BCR: variants seen among roughly 807,000 people sequenced by gnomAD.
BCR encodes the protein breakpoint cluster region protein.
Under a neutral mutation model 138.6 loss-of-function variants are expected in BCR, and 58 were observed. The ratio of observed to expected loss-of-function variants is 0.42; its 90% CI spans 0.34 to 0.52. The LOEUF is 0.52. BCR is among the 20% of genes least tolerant of loss of function. The pLI is 0.06. For synonymous variants in BCR, 786 were observed against 730.1 expected (o/e 1.08, Z -1.23); for missense variants, 1,599 against 1,727.2 (o/e 0.93, Z 1.32).
chr22:23,201,957 T>G (rs2072558119), intron 1 of BCR, among the ~76,000 whole-genome samples: 1 of 152,180 alleles, frequency 6.6e-6, no homozygotes. Flanking sequence ...TTTGAGATAA[T>G]TATGTGTAAA....
rs910776376 is a variant in BCR, at chr22:23,191,362, A to T, written c.1279+9123A>T. On this transcript the variant is annotated intron_variant, in intron 1 of 22. Transcript: ENST00000305877. ...GCTCAAAGGTATTTATTGAGCATCT[A>T]CTTTGTGCCTGGCACTATCTTCATG... 3.2e-4 allele frequency among the ~76,000 whole-genome samples: 49 copies of T among 152,192 alleles called. 1 individual carries two copies. Among genetic ancestry groups the T allele is most frequent in the Admixed American group, 2.9e-3 (45 of 15,274 alleles).
intron 4 of BCR, among the ~76,000 whole-genome samples, chr22:23,267,237 A>G (rs1486908672): frequency 6.6e-6 from 1 of 152,064 alleles, no homozygotes; most frequent in Non-Finnish European, 1.5e-5. Context: ...GGAGGAGGGA[A>G]AGAAGGAAGA....
At position 23,314,532 on chromosome 22, in the gene BCR, G is replaced by T. The variant is rs753370246; in HGVS notation, c.3564-20G>T. On this transcript the variant is annotated intron_variant, in intron 21 of 22. Coordinates refer to ENST00000305877, the MANE Select transcript of BCR (RefSeq NM_004327.4). ...TGGGGGTGGCGTTGAAACAGCACCC[G>T]CTGCTTTGGTCCTCTACAGGGTGGC... is the stretch of plus-strand genomic sequence containing the variant. The T allele has an allele frequency of 3.1e-6, 5 of 1,611,586 alleles. No homozygotes were observed. In the East Asian group the frequency reaches 6.7e-5, roughly 22 times the overall value.
intron 1 of BCR, among the ~76,000 whole-genome samples, chr22:23,242,004 A>C (rs750258425): frequency 6.6e-6 from 1 of 152,092 alleles, no homozygotes; most frequent in Non-Finnish European, 1.5e-5. Context: ...GACCACTTCC[A>C]GCCCCCCTTA....
chr22:23,279,802 C>G (rs190523471), intron 8 of BCR, among the ~76,000 whole-genome samples: 20 of 152,296 alleles, frequency 1.3e-4, no homozygotes, highest in Admixed American at 1.2e-3. Flanking sequence ...TGGAGCATGT[C>G]GTAGTCGGTT....
In BCR at chr22:23,309,447, C is replaced by T. The variant is rs771329432; in HGVS notation, c.3036C>T (p.Asp1012=). Residue 1012 remains aspartate, a synonymous_variant, in exon 17 of 23, where the codon GAC becomes GAT. Coordinates refer to ENST00000305877, the MANE Select transcript of BCR (RefSeq NM_004327.4). The part of the protein sequence containing the change: ...QVQLDPQALQ[D]RDWQRTVIAM... ...AGCTGGACCCGCAGGCCCTGCAGGA[C>T]AGAGACTGGCAGCGCACCGTCATCG... The T allele has an allele frequency of 6.2e-6, 10 of 1,604,006 alleles. No individual in the cohort carries two copies. The highest frequency in any genetic ancestry group is 8.5e-6 in the Non-Finnish European group (10 of 1,175,156).
intron 2 of BCR, 140 bp downstream of exon 2, chr22:23,254,120 C>T: frequency 1.1e-6 from 1 of 934,294 alleles, no homozygotes; most frequent in East Asian, 2.7e-5. Context: ...AAACTCCTTC[C>T]TCATCTCTAC....
At chr22:23,271,174 T>G (rs1475740808) in intron 5 of BCR, among the ~76,000 whole-genome samples, 9 of 152,202 alleles carry the variant, frequency 5.9e-5, no homozygotes, top group Admixed American at 5.2e-4. Context: ...CCTGGAGACA[T>G]TTTGGTTGTC....
chr22:23,283,050 G>A lies in BCR; in HGVS notation c.2116-927G>A, dbSNP rs74502577. Among the ~76,000 whole-genome samples, 332 of 152,318 alleles carry A rather than the reference G, an allele frequency of 2.2e-3. 1 individual carries two copies. The highest frequency in any genetic ancestry group is 7.6e-3 in the African/African-American group (315 of 41,568). ...TTCAGGCGATGTGCTCGTGCAGTGC[G>A]CTGGTCCCAGCGTGGGGAAGGCTTG... On this transcript the variant is annotated intron_variant, in intron 8 of 22. Coordinates refer to ENST00000305877, the MANE Select transcript of BCR (RefSeq NM_004327.4).
At chr22:23,201,380 G>T (rs1342253184) in intron 1 of BCR, among the ~76,000 whole-genome samples, 1 of 152,330 alleles carries the variant, frequency 6.6e-6, no homozygotes, top group South Asian at 2.1e-4. Flanking sequence ...TTGGCTGGAG[G>T]CCCCTTCTAG....
rs2073764540 is a variant in BCR at position 23,289,874 on chromosome 22, G to T, written c.2707+253G>T. 1.3e-5 allele frequency: 7 copies of T among 554,388 alleles called. No individual in the cohort carries two copies. In the South Asian group the frequency reaches 1.5e-4, roughly 12 times the overall value. The allele number at this position is 554,388 out of a possible 1,614,324, so 34.3% of individuals were successfully genotyped here. A position where few individuals can be genotyped will look rare whatever the true frequency, so the allele number is the denominator to read the frequency against. On this transcript the variant is annotated intron_variant, in intron 13 of 22. Coordinates refer to ENST00000305877, the MANE Select transcript of BCR (RefSeq NM_004327.4). ...GGCTTCTGTTCCTAGTCACAAGGCT[G>T]CAGCAGACGCTCCTCAGATGCTCTG...
At chr22:23,250,063 C>G (rs150439006) in intron 1 of BCR, among the ~76,000 whole-genome samples, 1 of 152,218 alleles carries the variant, frequency 6.6e-6, no homozygotes, top group Non-Finnish European at 1.5e-5. Context: ...AAACCCTCAC[C>G]GGGCACTTGA....
At chr22:23,257,343 T>C (rs1425226875) in intron 2 of BCR, among the ~76,000 whole-genome samples, 2 of 152,202 alleles carry the variant, frequency 1.3e-5, no homozygotes, top group Non-Finnish European at 2.9e-5. Context: ...CCTGTGCTGT[T>C]TTTCCTCCTG....
chr22:23,280,170 C>T (rs2073627329), intron 8 of BCR, among the ~76,000 whole-genome samples: 1 of 152,202 alleles, frequency 6.6e-6, no homozygotes, highest in African/African-American at 2.4e-5. Context: ...ACTTTCAGCC[C>T]TAACAGTATG....
intron 1 of BCR, among the ~76,000 whole-genome samples, chr22:23,183,974 G>A (rs2072305430): frequency 6.6e-6 from 1 of 152,228 alleles, no homozygotes; most frequent in Non-Finnish European, 1.5e-5. Context: ...GGCTGAGGAG[G>A]TAATTTTACC....
chr22:23,263,373 C>T (rs554406484), intron 4 of BCR: 17 of 1,233,892 alleles, frequency 1.4e-5, no homozygotes, highest in East Asian at 7.0e-5. Flanking sequence ...CGGCTTCACG[C>T]GGCTCGGCAC....
At chr22:23,242,889 C>A (rs890830980) in intron 1 of BCR, 2 of 455,588 alleles carry the variant, frequency 4.4e-6, no homozygotes, top group African/African-American at 4.0e-5. Flanking sequence ...AGGGGAGGAT[C>A]CTTCCTTTCT....
chr22:23,229,803 C>G (rs1457847985), intron 1 of BCR, among the ~76,000 whole-genome samples: 1 of 152,216 alleles, frequency 6.6e-6, no homozygotes, highest in African/African-American at 2.4e-5. Context: ...CAGTTCCCCC[C>G]TGAGGGTCCA....
rs1371804497 is a variant in BCR, at chr22:23,315,967, G to A, written c.*445G>A. 2.5e-5 allele frequency: 8 copies of A among 325,708 alleles called. No individual in the cohort carries two copies. The highest frequency in any genetic ancestry group is 4.6e-5 in the Non-Finnish European group (8 of 175,688). The allele number at this position is 325,708 out of a possible 1,614,324, so 20.2% of individuals were successfully genotyped here. A position where few individuals can be genotyped will look rare whatever the true frequency, so the allele number is the denominator to read the frequency against. On this transcript the variant is annotated 3_prime_UTR_variant, in exon 23 of 23. Coordinates refer to ENST00000305877, the MANE Select transcript of BCR (RefSeq NM_004327.4). Reference sequence around the variant, plus strand: ...GCTGCTTCATCCTGTGGGGGCCGTGGCCCTGTCCCTGTGTGGGTGGGGCCT... The same window carrying A: ...GCTGCTTCATCCTGTGGGGGCCGTGACCCTGTCCCTGTGTGGGTGGGGCCT...
Sources: allele counts gnomAD v4.1 joint callset (sites outside exome capture counted in the v4.1 genomes callset), GRCh38; gene constraint gnomAD v4.1.1; transcripts MANE v1.5; gene names NCBI Gene and HGNC (gene_info 2026-07-23, HGNC 2026-07-21).